AIMP1: variants seen among roughly 807,000 people sequenced by gnomAD.
The protein encoded by AIMP1 is aminoacyl tRNA synthetase complex interacting multifunctional protein 1, also known as aminoacyl tRNA synthase complex-interacting multifunctional protein 1.
In AIMP1, 24 loss-of-function variants were observed where a neutral mutation model predicts 33.1. The observed-to-expected ratio is 0.73, with a 90% CI of 0.53 to 1.02. The LOEUF (loss-of-function observed/expected upper bound fraction) is 1.02. Among genes scored for constraint, AIMP1 ranks in the 50% least tolerant of loss-of-function variants. The probability of loss-of-function intolerance (pLI) is 0.00; values close to 1 mark genes in which losing one functional copy is unlikely to be tolerated. For missense variants in AIMP1, 367 were observed against 364.8 expected, an observed-to-expected ratio of 1.01 and a Z score of -0.05; for synonymous variants, 120 against 121.5, an observed-to-expected ratio of 0.99 and a Z score of 0.08.
At chr4:106,346,122 C>T (rs1333743037) in intron 6 of AIMP1, among the ~76,000 whole-genome samples, 2 of 151,860 alleles carry the variant, frequency 1.3e-5, no homozygotes, top group African/African-American at 4.8e-5. Context: ...GTTTCTTGAA[C>T]TGACTGATTC....
chr4:106,322,174 A>T (rs1056753378), intron 1 of AIMP1, among the ~76,000 whole-genome samples: 1 of 152,146 alleles, frequency 6.6e-6, no homozygotes, highest in African/African-American at 2.4e-5. Context: ...TCTGCCTAGG[A>T]AAACCAGAGA....
chr4:106,317,420 C>T (rs959283032), intron 1 of AIMP1, among the ~76,000 whole-genome samples: 1 of 152,070 alleles, frequency 6.6e-6, no homozygotes, highest in Non-Finnish European at 1.5e-5. Context: ...GACTTTGGAG[C>T]GTTTTGAGCA....
rs1431908557 is a variant in AIMP1 at position 106,336,726 on chromosome 4, G to A, written c.604-143G>A. The A allele has an allele frequency of 3.7e-6, 3 of 806,032 alleles. No individual in the cohort carries two copies. In the African/African-American group the frequency reaches 5.1e-5, roughly 14 times the overall value. The allele number at this position is 806,032 out of a possible 1,614,324, so 49.9% of individuals were successfully genotyped here. A position where few individuals can be genotyped will look rare whatever the true frequency, so the allele number is the denominator to read the frequency against. On this transcript the variant is annotated intron_variant, in intron 5 of 6. Transcript: ENST00000672341. Reference sequence around the variant, plus strand: ...GCAAAGCTTCGTAACAACAATAAGAGACTTTGGGCACACAAAGACAAAGGT... The same window carrying A: ...GCAAAGCTTCGTAACAACAATAAGAAACTTTGGGCACACAAAGACAAAGGT...
intron 1 of AIMP1, among the ~76,000 whole-genome samples, chr4:106,323,836 G>A (rs1046833395): frequency 1.3e-5 from 2 of 151,982 alleles, no homozygotes; most frequent in African/African-American, 2.4e-5. Context: ...GAATGAATTG[G>A]TGCATTTTAG....
At chr4:106,346,803 A>G (rs1359718325) in intron 6 of AIMP1, among the ~76,000 whole-genome samples, 1 of 152,170 alleles carries the variant, frequency 6.6e-6, no homozygotes, top group African/African-American at 2.4e-5. Context: ...GTTTTCCTTT[A>G]TATTTAATGA....
chr4:106,320,223 G>A (rs990140303), intron 1 of AIMP1, among the ~76,000 whole-genome samples: 1 of 152,182 alleles, frequency 6.6e-6, no homozygotes, highest in African/African-American at 2.4e-5. Context: ...AATGAGCACT[G>A]GGTTGAATGG....
chr4:106,316,570 C>G lies in AIMP1; in HGVS notation c.-50C>G, dbSNP rs1768910040. Reference sequence around the variant, plus strand: ...TACATGCTTCCTGCTGTGGCTGTCTCGGAACCCGTGGTCCTCCGCTTCATG... The same window carrying G: ...TACATGCTTCCTGCTGTGGCTGTCTGGGAACCCGTGGTCCTCCGCTTCATG... On this transcript the variant is annotated 5_prime_UTR_variant, in exon 1 of 7. Coordinates refer to ENST00000672341, the MANE Select transcript of AIMP1 (RefSeq NM_001142416.2). The G allele has an allele frequency of 6.4e-7, 1 of 1,551,602 alleles. No individual in the cohort carries two copies. The highest frequency in any genetic ancestry group is 8.7e-7 in the Non-Finnish European group (1 of 1,146,952).
At chr4:106,316,031 T>A (rs1430401036), upstream of AIMP1, 1 of 152,818 alleles carries the variant, frequency 6.5e-6, no homozygotes, top group Non-Finnish European at 1.5e-5. Context: ...CGCTACGGCT[T>A]AGTGCACCAG....
At position 106,324,978 on chromosome 4, in the gene AIMP1, C is replaced by T; in HGVS notation, c.-25-7C>T. 2 of 1,586,136 alleles carry T rather than the reference C, an allele frequency of 1.3e-6. No homozygotes were observed. Among genetic ancestry groups the T allele is most frequent in the Non-Finnish European group, 1.7e-6 (2 of 1,167,206 alleles). ...AGTGTAATTTATCACTTTTATTTTT[C>T]CTATAGGATTTTCTGCCGTCTCTTG... On this transcript the variant is annotated splice_region_variant and splice_polypyrimidine_tract_variant and intron_variant, in intron 1 of 6. Transcript: ENST00000672341.
rs1398784974 is a variant in AIMP1, at chr4:106,325,016, A to T, written c.7A>T (p.Asn3Tyr). MA[N>Y]NDAVLKRLEQ... ...CTGCCGTCTCTTGGCAAAAATGGCA[A>T]ATAATGATGCTGTTCTGAAGAGACT... Residue 3 changes from asparagine to tyrosine, a missense_variant, in exon 2 of 7, where the codon AAT becomes TAT. Coordinates refer to ENST00000672341, the MANE Select transcript of AIMP1 (RefSeq NM_001142416.2). 2 of 1,603,298 alleles carry T rather than the reference A, an allele frequency of 1.2e-6. No individual in the cohort carries two copies. Among genetic ancestry groups the T allele is most frequent in the Admixed American group, 1.7e-5 (1 of 58,946 alleles).
intron 4 of AIMP1, among the ~76,000 whole-genome samples, chr4:106,330,928 A>C (rs2125923657): frequency 6.6e-6 from 1 of 152,340 alleles, no homozygotes; most frequent in South Asian, 2.1e-4. Flanking sequence ...TAAAATAATC[A>C]TGTGTTAATA....
At chr4:106,324,724 AC>A (rs1341103067) in intron 1 of AIMP1, among the ~76,000 whole-genome samples, 2 of 152,100 alleles carry the variant, frequency 1.3e-5, no homozygotes, top group African/African-American at 4.8e-5. Context: ...AAAGCTTTCA[AC>A]CTTAAATGTG....
chr4:106,341,791 C>T (rs1770110032), intron 6 of AIMP1, among the ~76,000 whole-genome samples: 1 of 151,940 alleles, frequency 6.6e-6, no homozygotes. Flanking sequence ...TCATTCCACG[C>T]AAATTTTAGA....
intron 6 of AIMP1, among the ~76,000 whole-genome samples, chr4:106,346,109 A>G (rs555319683): frequency 6.6e-6 from 1 of 151,976 alleles, no homozygotes; most frequent in East Asian, 1.9e-4. Flanking sequence ...ACTTTTCTTC[A>G]TTGTTTCTTG....
At chr4:106,326,566 T>C (rs1769459531) in intron 2 of AIMP1, among the ~76,000 whole-genome samples, 1 of 152,214 alleles carries the variant, frequency 6.6e-6, no homozygotes, top group African/African-American at 2.4e-5. Flanking sequence ...GAGCAAATCC[T>C]TGAGTTATTT....
chr4:106,339,071 A>G (rs145744146), intron 6 of AIMP1, among the ~76,000 whole-genome samples: 140 of 152,270 alleles, frequency 9.2e-4, no homozygotes, highest in African/African-American at 3.0e-3. Context: ...CAATGCCTGT[A>G]CCCCCAATGT....
At position 106,336,901 on chromosome 4, in the gene AIMP1, C is replaced by T. The variant is rs143586104; in HGVS notation, c.636C>T (p.Asn212=). 1.6e-5 allele frequency: 26 copies of T among 1,613,870 alleles called. No homozygotes were observed. Among genetic ancestry groups the T allele is most frequent in the Non-Finnish European group, 2.2e-5 (26 of 1,179,974 alleles). ...MQNRMVILLC[N]LKPAKMRGVL... is the part of the protein sequence containing the mutation. ...ATCGGATGGTGATTTTACTTTGTAA[C>T]CTGAAACCTGCAAAGATGAGGGGAG... Residue 212 remains asparagine, a synonymous_variant, in exon 6 of 7, where the codon AAC becomes AAT. Coordinates refer to ENST00000672341, the MANE Select transcript of AIMP1 (RefSeq NM_001142416.2).
chr4:106,335,204 T>C (rs1449339210), intron 5 of AIMP1, among the ~76,000 whole-genome samples: 2 of 152,152 alleles, frequency 1.3e-5, no homozygotes, highest in African/African-American at 2.4e-5. Flanking sequence ...ATTTATGTTA[T>C]ATAGGACCAG....
intron 3 of AIMP1, 45 bp downstream of exon 3, chr4:106,327,609 T>A (rs1432620855): frequency 7.0e-7 from 1 of 1,435,196 alleles, no homozygotes; most frequent in Non-Finnish European, 9.8e-7. Context: ...GTTAAGAAGT[T>A]GGCCAGTCAC....
Sources: gnomAD v4.1 joint callset for allele counts (sites outside exome capture counted in the v4.1 genomes callset) on GRCh38, gnomAD v4.1.1 for gene constraint, MANE v1.5 for transcripts, NCBI Gene and HGNC (gene_info 2026-07-23, HGNC 2026-07-21) for gene names.